Variants in PRDM6 observed in about 807,000 individuals in gnomAD.
The protein encoded by PRDM6 is PR/SET domain 6.
A neutral mutation model predicts 60.8 loss-of-function variants in PRDM6; 25 were observed. The observed-to-expected ratio is 0.41, with a 90% confidence interval of 0.30 to 0.57. PRDM6 has a LOEUF of 0.57. Ranked by LOEUF, PRDM6 falls within the 20% of genes least tolerant of loss-of-function variation. The probability of loss-of-function intolerance (pLI) is 0.27; values close to 1 mark genes in which losing one functional copy is unlikely to be tolerated. For synonymous variants in PRDM6, 407 were observed against 357.4 expected (o/e 1.14, Z -1.57); for missense variants, 839 against 821.3 (o/e 1.02, Z -0.26).
At chr5:123,137,149 A>T (rs1764977476) in intron 3 of PRDM6, among the ~76,000 whole-genome samples, 1 of 152,308 alleles carries the variant, frequency 6.6e-6, no homozygotes, top group East Asian at 1.9e-4. Context: ...GTCATTTCAC[A>T]ATATACCCAT....
rs1561836232 is a variant in PRDM6 at position 123,130,126 on chromosome 5, C to CCT, written c.901-25758_901-25757insCT. 9.7e-3 allele frequency among the ~76,000 whole-genome samples: 469 copies of CCT among 48,182 alleles called. 12 individuals carry two copies. Among genetic ancestry groups the CCT allele is most frequent in the African/African-American group, 0.022 (209 of 9,638 alleles). 31.6% of individuals were successfully genotyped at this position (48,182 alleles called of 152,430 possible). On this transcript the variant is annotated intron_variant, in intron 3 of 7. Coordinates refer to ENST00000407847, the MANE Select transcript of PRDM6 (RefSeq NM_001136239.4). ...CTCCCCTCCCCTCCTCTCCCCTTCC[C>CCT]TCCCCTCTCCTTCCTCTCCCCTTCC...
At chr5:123,092,200 T>G (rs949040652) in intron 2 of PRDM6, among the ~76,000 whole-genome samples, 8 of 152,228 alleles carry the variant, frequency 5.3e-5, no homozygotes, top group African/African-American at 1.7e-4. Flanking sequence ...TTTCAAAAAA[T>G]ACTTATCTCC....
chr5:123,140,377 T>C (rs1028169290), intron 3 of PRDM6, among the ~76,000 whole-genome samples: 2 of 152,162 alleles, frequency 1.3e-5, no homozygotes, highest in African/African-American at 4.8e-5. Flanking sequence ...ATTAAATTTT[T>C]AGGGTTATGT....
chr5:123,137,559 T>C (rs61698607), intron 3 of PRDM6, among the ~76,000 whole-genome samples: 1,683 of 152,264 alleles, frequency 0.011, 25 homozygotes, highest in African/African-American at 0.038. Context: ...CAACACTGCA[T>C]GTTCTCACTC....
chr5:123,104,153 T>C (rs1764160430), intron 3 of PRDM6, among the ~76,000 whole-genome samples: 1 of 152,128 alleles, frequency 6.6e-6, no homozygotes, highest in Admixed American at 6.5e-5. Context: ...GCAAATGGTC[T>C]ATTTTTCATC....
chr5:123,089,992 G>T lies in PRDM6; in HGVS notation c.-15-8G>T, dbSNP rs1339359024. On this transcript the variant is annotated splice_region_variant and splice_polypyrimidine_tract_variant and intron_variant, in intron 1 of 7. Coordinates refer to ENST00000407847, the MANE Select transcript of PRDM6 (RefSeq NM_001136239.4). ...ACGCGCCCCCTCTTCCCTGCCCTCTGCCCCCAGTTCGAGGCGCCGGACATG... is the reference window on the plus strand; with the variant it reads ...ACGCGCCCCCTCTTCCCTGCCCTCTTCCCCCAGTTCGAGGCGCCGGACATG... The T allele has an allele frequency of 6.5e-7, 1 of 1,536,274 alleles. No individual in the cohort carries two copies. Among genetic ancestry groups the T allele is most frequent in the Non-Finnish European group, 8.8e-7 (1 of 1,137,966 alleles).
At chr5:123,096,268 C>G (rs904885208) in intron 2 of PRDM6, among the ~76,000 whole-genome samples, 2 of 118,160 alleles carry the variant, frequency 1.7e-5, no homozygotes, top group African/African-American at 3.1e-5. Context: ...TTGGAATGCT[C>G]TGTGTGTGTA....
intron 3 of PRDM6, among the ~76,000 whole-genome samples, chr5:123,150,982 G>A (rs1267339605): frequency 1.3e-5 from 2 of 152,140 alleles, no homozygotes; most frequent in African/African-American, 2.4e-5. Context: ...GTTTAATTGC[G>A]TTTAGTGGTA....
chr5:123,105,292 G>T lies in PRDM6; in HGVS notation c.900+5331G>T, dbSNP rs114999966. ...GACTTAAAAGTAAGGTATAAAAAGA[G>T]AAATCAGTATCTCAGAGGTTAGTGG... On this transcript the variant is annotated intron_variant, in intron 3 of 7. Transcript: ENST00000407847. Among the ~76,000 whole-genome samples the T allele has an allele frequency of 2.3e-3, 349 of 152,178 alleles. 2 individuals are homozygous for T. The highest frequency in any genetic ancestry group is 8.1e-3 in the African/African-American group (337 of 41,504).
intron 4 of PRDM6, among the ~76,000 whole-genome samples, chr5:123,158,076 G>A (rs1441623217): frequency 3.9e-5 from 6 of 152,230 alleles, no homozygotes; most frequent in East Asian, 1.9e-4. Context: ...ATTTTTTTCC[G>A]CCTTTCGGCC....
At chr5:123,146,585 T>C (rs2126865608) in intron 3 of PRDM6, among the ~76,000 whole-genome samples, 1 of 152,336 alleles carries the variant, frequency 6.6e-6, no homozygotes, top group East Asian at 1.9e-4. Context: ...ATTGATACTT[T>C]CTCATATGTA....
chr5:123,102,424 G>T (rs1764124161), intron 3 of PRDM6, among the ~76,000 whole-genome samples: 1 of 151,592 alleles, frequency 6.6e-6, no homozygotes, highest in South Asian at 2.1e-4. Context: ...TTAAATTTTA[G>T]TTCTTTCTTT....
intron 3 of PRDM6, among the ~76,000 whole-genome samples, chr5:123,127,886 T>C (rs1764729367): frequency 6.6e-6 from 1 of 152,104 alleles, no homozygotes; most frequent in Non-Finnish European, 1.5e-5. Flanking sequence ...ATCATTTACA[T>C]TGGGTATTTC....
intron 3 of PRDM6, among the ~76,000 whole-genome samples, chr5:123,127,180 G>A (rs1165579804): frequency 6.6e-6 from 1 of 152,108 alleles, no homozygotes; most frequent in African/African-American, 2.4e-5. Context: ...TGGGATTACA[G>A]GCACACACCA....
At chr5:123,158,547 C>CT (rs558859222) in intron 4 of PRDM6, among the ~76,000 whole-genome samples, 11 of 152,248 alleles carry the variant, frequency 7.2e-5, no homozygotes, top group African/African-American at 2.4e-4. Context: ...AGAATCTGCA[C>CT]TTTTTTATTG....
chr5:123,090,279 T>A lies in PRDM6; in HGVS notation c.265T>A (p.Ser89Thr). 2.0e-6 allele frequency: 3 copies of A among 1,486,760 alleles called. No individual in the cohort carries two copies. The highest frequency in any genetic ancestry group is 2.7e-6 in the Non-Finnish European group (3 of 1,119,212). The allele number at this position is 1,486,760 out of a possible 1,614,324, so 92.1% of individuals were successfully genotyped here. A position where few individuals can be genotyped will look rare whatever the true frequency, so the allele number is the denominator to read the frequency against. Residue 89 changes from serine (S) to threonine (T), a missense_variant, in exon 2 of 8, where the codon TCC becomes ACC. By Grantham distance (58) the Ser-to-Thr change is moderately conservative (BLOSUM62 1). This residue lies in a region of PRDM6 where 730 missense variants were observed against 648.8 expected (regional missense o/e 1.13). Coordinates refer to ENST00000407847, the MANE Select transcript of PRDM6 (RefSeq NM_001136239.4). ...ASSTPASSST[S>T]ASSASSCAAA... ...GTCCACGCCGGCTTCCTCTTCCACC[T>A]CCGCCTCCTCCGCCTCCTCCTGCGC...
chr5:123,127,287 C>T (rs1764715104), intron 3 of PRDM6, among the ~76,000 whole-genome samples: 1 of 152,186 alleles, frequency 6.6e-6, no homozygotes, highest in Admixed American at 6.5e-5. Context: ...ATCCACCCAC[C>T]ATGGCCTCCC....
rs143459556 is a variant in PRDM6 at position 123,185,942 on chromosome 5, G to T, written c.1674-1145G>T. 2.7e-4 allele frequency among the ~76,000 whole-genome samples: 41 copies of T among 152,302 alleles called. No homozygotes were observed. In the East Asian group the frequency reaches 6.0e-3, roughly 22 times the overall value. ...TTTGCCACAGCTTTCATAGTGCAGG[G>T]GCTCACAAACTGGAGGTTGCATTAT... On this transcript the variant is annotated intron_variant, in intron 7 of 7. Transcript: ENST00000407847.
intron 7 of PRDM6, 140 bp downstream of exon 7, chr5:123,180,463 T>G (rs749796679): frequency 2.3e-4 from 201 of 889,500 alleles, no homozygotes; most frequent in Non-Finnish European, 3.0e-4. Context: ...CAAACGAATC[T>G]CTCCTTGTTT....
Sources: gnomAD v4.1 joint callset for allele counts (sites outside exome capture counted in the v4.1 genomes callset) on GRCh38, gnomAD v4.1.1 for gene constraint, gnomAD v4.1.1 regional missense constraint, MANE v1.5 for transcripts, NCBI Gene and HGNC (gene_info 2026-07-23, HGNC 2026-07-21) for gene names.